The following RHOH variants were observed in gnomAD, a reference collection of about 807,000 sequenced individuals.
RHOH encodes ras homolog family member H.
RHOH carries 6 observed loss-of-function variants against 13.8 expected under a neutral mutation model. The observed-to-expected ratio is 0.44, with a 90% CI of 0.24 to 0.86. The LOEUF (loss-of-function observed/expected upper bound fraction) is 0.86. RHOH is among the 40% of genes least tolerant of loss of function. The probability of loss-of-function intolerance (pLI) is 0.24; values close to 1 mark genes in which losing one functional copy is unlikely to be tolerated. For synonymous variants in RHOH, 117 were observed against 103.0 expected (o/e 1.14, Z -0.82); for missense variants, 147 against 244.5 (o/e 0.60, Z 2.66).
At chr4:40,227,957 A>G (rs1330069108) in intron 1 of RHOH, among the ~76,000 whole-genome samples, 1 of 152,170 alleles carries the variant, frequency 6.6e-6, no homozygotes, top group Non-Finnish European at 1.5e-5. Flanking sequence ...TCAATTTTTT[A>G]TCTCTTCTGT....
In RHOH at chr4:40,218,497, C is replaced by CT. The variant is rs142090358; in HGVS notation, c.-331+21203dup. On this transcript the variant is annotated intron_variant, in intron 1 of 2. Coordinates refer to ENST00000381799, the MANE Select transcript of RHOH (RefSeq NM_004310.5). The surrounding 1 kb of genome is among the most constrained non-coding windows in gnomAD (Gnocchi z 4.1). ...TCGGCTAATGAGCCCAGGCTGAGGG[C>CT]TTTTTTGCAGGCATGCCAAAAAATG... is the stretch of plus-strand genomic sequence containing the variant. Among the ~76,000 whole-genome samples, 758 of 152,166 alleles carry CT rather than the reference C, an allele frequency of 5.0e-3. 19 individuals are homozygous for CT. The highest frequency in any genetic ancestry group is 0.044 in the South Asian group (210 of 4,820).
At chr4:40,220,684 A>C (rs1229660898) in intron 1 of RHOH, among the ~76,000 whole-genome samples, 1 of 152,208 alleles carries the variant, frequency 6.6e-6, no homozygotes, top group Non-Finnish European at 1.5e-5. Flanking sequence ...CTGCCCCATT[A>C]GGCTCCTTAA....
At chr4:40,223,612 G>A (rs1310500752) in intron 1 of RHOH, among the ~76,000 whole-genome samples, 9 of 150,850 alleles carry the variant, frequency 6.0e-5, no homozygotes, top group Admixed American at 2.7e-4. Flanking sequence ...TTACAAGTGT[G>A]CATTACCATA....
intron 1 of RHOH, among the ~76,000 whole-genome samples, chr4:40,203,073 G>A (rs184687662): frequency 3.6e-4 from 55 of 152,194 alleles, no homozygotes; most frequent in African/African-American, 1.2e-3. Flanking sequence ...CCGGGTTCAC[G>A]CCATTCTCCT....
At chr4:40,203,957 G>A (rs191230887) in intron 1 of RHOH, among the ~76,000 whole-genome samples, 149 of 152,248 alleles carry the variant, frequency 9.8e-4, no homozygotes, top group African/African-American at 3.3e-3. Flanking sequence ...CTTACTGTAT[G>A]ATAACATTAT....
At chr4:40,197,864 T>C (rs577143678) in intron 1 of RHOH, among the ~76,000 whole-genome samples, 1 of 152,290 alleles carries the variant, frequency 6.6e-6, no homozygotes, top group African/African-American at 2.4e-5. Flanking sequence ...GATTTGGAGA[T>C]ATGCTACGAG....
At chr4:40,215,279 T>C (rs958019137) in intron 1 of RHOH, among the ~76,000 whole-genome samples, 2 of 152,208 alleles carry the variant, frequency 1.3e-5, no homozygotes, top group Admixed American at 1.3e-4. Context: ...TCTTCTCCTT[T>C]TGTCCCTCTT....
intron 1 of RHOH, among the ~76,000 whole-genome samples, chr4:40,220,268 C>T (rs987549161): frequency 6.6e-6 from 1 of 152,092 alleles, no homozygotes; most frequent in African/African-American, 2.4e-5. Context: ...AATGTTCCTC[C>T]TCTCCCCCTC....
intron 1 of RHOH, among the ~76,000 whole-genome samples, chr4:40,232,039 C>T (rs1476776855): frequency 3.3e-5 from 5 of 152,198 alleles, no homozygotes; most frequent in Non-Finnish European, 5.9e-5. Context: ...ACCTTTTTCC[C>T]TTTGTTGGCA....
At chr4:40,199,448 G>C (rs1011435570) in intron 1 of RHOH, among the ~76,000 whole-genome samples, 7 of 152,138 alleles carry the variant, frequency 4.6e-5, no homozygotes, top group Non-Finnish European at 8.8e-5. Flanking sequence ...ACAGGGGTTG[G>C]GTGTTTTTCT....
intron 1 of RHOH, among the ~76,000 whole-genome samples, chr4:40,216,449 A>T (rs144820692): frequency 6.6e-5 from 10 of 152,300 alleles, no homozygotes; most frequent in African/African-American, 2.2e-4. Context: ...AGCCTGGGCG[A>T]CACAGTGAGA....
At chr4:40,205,419 A>G (rs1032279052) in intron 1 of RHOH, among the ~76,000 whole-genome samples, 3 of 152,176 alleles carry the variant, frequency 2.0e-5, no homozygotes, top group African/African-American at 7.2e-5. Flanking sequence ...CCGGTGGGTA[A>G]AGTGCTCCCT....
upstream of RHOH, among the ~76,000 whole-genome samples, chr4:40,194,914 C>A (rs1011119136): frequency 6.6e-6 from 1 of 152,182 alleles, no homozygotes; most frequent in African/African-American, 2.4e-5. Context: ...GCCGTGTTGT[C>A]TTCTCTATGG....
rs1726138877 is a variant in RHOH, at chr4:40,218,394, C to T, written c.-331+21094C>T. On this transcript the variant is annotated intron_variant, in intron 1 of 2. Transcript: ENST00000381799. The surrounding 1 kb of genome is among the most constrained non-coding windows in gnomAD (Gnocchi z 4.1). ...GAAAACATGCCCAAATTCTGTTCTA[C>T]CTTGTGTAAATCTAAGACAGGGGCT... 1.3e-5 allele frequency: 2 copies of T among 152,218 alleles called. No individual in the cohort carries two copies. The highest frequency in any genetic ancestry group is 1.9e-4 in the East Asian group (1 of 5,200). The allele number at this position is 152,218 out of a possible 1,614,324, so 9.4% of individuals were successfully genotyped here.
intron 1 of RHOH, among the ~76,000 whole-genome samples, chr4:40,210,982 A>G (rs1244339651): frequency 1.3e-5 from 2 of 152,228 alleles, no homozygotes; most frequent in Non-Finnish European, 2.9e-5. Context: ...CGTATTATCT[A>G]TTACTGATGA....
intron 1 of RHOH, among the ~76,000 whole-genome samples, chr4:40,232,435 C>CG (rs748631147): frequency 5.1e-5 from 7 of 137,630 alleles, no homozygotes; most frequent in East Asian, 2.0e-4. Context: ...GCACCGGAGG[C>CG]GGGGGGCAGG....
intron 1 of RHOH, among the ~76,000 whole-genome samples, chr4:40,216,645 T>C (rs1256685602): frequency 6.6e-6 from 1 of 152,344 alleles, no homozygotes; most frequent in East Asian, 1.9e-4. Context: ...AAGATCTTTT[T>C]AGGGCAAGCA....
chr4:40,219,700 G>A (rs1197142633), intron 1 of RHOH, among the ~76,000 whole-genome samples: 4 of 152,148 alleles, frequency 2.6e-5, no homozygotes, highest in Non-Finnish European at 4.4e-5. Flanking sequence ...TATTGGGAAG[G>A]CCTCATACAA....
chr4:40,221,409 G>A (rs576649712), intron 1 of RHOH, among the ~76,000 whole-genome samples: 25 of 152,222 alleles, frequency 1.6e-4, no homozygotes, highest in African/African-American at 5.5e-4. Flanking sequence ...TGTGTTGAGC[G>A]AGTCTATCGG....
Sources: gnomAD v4.1 joint callset for allele counts (sites outside exome capture counted in the v4.1 genomes callset) on GRCh38, gnomAD v4.1.1 for gene constraint, Gnocchi (gnomAD v3.1) non-coding constraint, MANE v1.5 for transcripts, NCBI Gene and HGNC (gene_info 2026-07-23, HGNC 2026-07-21) for gene names.